Variants in RXRG observed in about 807,000 individuals in gnomAD.
The protein encoded by RXRG is retinoic acid receptor RXR-gamma.
In RXRG, 19 loss-of-function variants were observed where a neutral mutation model predicts 49.2. That is an observed-to-expected ratio of 0.39 (90% CI 0.27 to 0.57). The LOEUF is 0.57. RXRG is among the 20% of genes least tolerant of loss of function. The pLI is 0.64. For missense variants in RXRG, 452 were observed against 592.5 expected, an observed-to-expected ratio of 0.76 and a Z score of 2.46; for synonymous variants, 224 against 216.6, an observed-to-expected ratio of 1.03 and a Z score of -0.30.
At chr1:165,436,858 T>G in intron 1 of RXRG, 8 of 1,017,528 alleles carry the variant, frequency 7.9e-6, no homozygotes, top group Non-Finnish European at 9.6e-6. Context: ...CAGCAAGAGT[T>G]TCAAGGTTAA....
Position 165,409,655 on chromosome 1 carries a change from G to T in RXRG, c.949C>A (p.Arg317Ser). The change falls in exon 7 of 10, where the codon CGC (arginine) becomes AGC (serine). Residue 317 changes from arginine to serine, a missense_variant. Physicochemically the swap from Arg to Ser is moderately radical, Grantham distance 110. This residue lies in a region of RXRG where 286 missense variants were observed against 440.9 expected (regional missense o/e 0.65). Coordinates refer to ENST00000359842, the MANE Select transcript of RXRG (RefSeq NM_006917.5). ...ATGCCATCCTGCACGGAAACTGAGC[G>T]GTGGGAGAAAGAGGCAATCAGCAAT... ...NELLIASFSH[R>S]SVSVQDGILL... The T allele has an allele frequency of 6.4e-7, 1 of 1,556,314 alleles. No homozygotes were observed. The highest frequency in any genetic ancestry group is 8.7e-7 in the Non-Finnish European group (1 of 1,151,646).
intron 4 of RXRG, among the ~76,000 whole-genome samples, chr1:165,412,652 G>A (rs990763239): frequency 6.6e-6 from 1 of 152,148 alleles, no homozygotes; most frequent in African/African-American, 2.4e-5. Flanking sequence ...GATGAATGAA[G>A]CAATTATAAA....
At chr1:165,413,884 A>G (rs565582970) in intron 4 of RXRG, among the ~76,000 whole-genome samples, 1 of 152,290 alleles carries the variant, frequency 6.6e-6, no homozygotes, top group Admixed American at 6.5e-5. Context: ...TATTTATCCT[A>G]AAAGGGCAAC....
At chr1:165,444,404 C>A (rs901276556) in intron 1 of RXRG, among the ~76,000 whole-genome samples, 2 of 152,188 alleles carry the variant, frequency 1.3e-5, no homozygotes, top group Non-Finnish European at 2.9e-5. Flanking sequence ...TACAAAGTAT[C>A]CCAGGAACCC....
chr1:165,417,335 G>A, intron 3 of RXRG, 115 bp from the exon 4 acceptor site: 3 of 900,018 alleles, frequency 3.3e-6, no homozygotes, highest in Non-Finnish European at 5.0e-6. Context: ...TTGGGCATTG[G>A]GACAGAAAGC....
rs1004112377 is a variant in RXRG, at chr1:165,401,192, A to C, written c.*71T>G. 31 of 1,458,744 alleles carry C rather than the reference A, an allele frequency of 2.1e-5. No individual in the cohort carries two copies. Among genetic ancestry groups the C allele is most frequent in the Non-Finnish European group, 2.9e-5 (31 of 1,061,184 alleles). 90.4% of individuals were successfully genotyped at this position (1,458,744 alleles called of 1,614,324 possible). A position where few individuals can be genotyped will look rare whatever the true frequency, so the allele number is the denominator to read the frequency against. Reference sequence around the variant, plus strand: ...GGGGTCAGGGTGGGAGGTGGAGGAAAGTGCAGGGTGGGGGTCCACACACAC... The same window carrying C: ...GGGGTCAGGGTGGGAGGTGGAGGAACGTGCAGGGTGGGGGTCCACACACAC... On this transcript the variant is annotated 3_prime_UTR_variant, in exon 10 of 10. Coordinates refer to ENST00000359842, the MANE Select transcript of RXRG (RefSeq NM_006917.5).
At chr1:165,403,804 C>T (rs1294941968) in intron 9 of RXRG, among the ~76,000 whole-genome samples, 8 of 152,180 alleles carry the variant, frequency 5.3e-5, no homozygotes, top group African/African-American at 9.7e-5. Context: ...ATCTAAAATT[C>T]GAAGTATGCC....
chr1:165,428,925 C>T lies in RXRG; in HGVS notation c.91G>A (p.Ala31Thr), dbSNP rs371155454. The change falls in exon 2 of 10, where the codon GCA (alanine) becomes ACA (threonine). Residue 31 changes from alanine (A) to threonine (T), a missense_variant. Coordinates refer to ENST00000359842, the MANE Select transcript of RXRG (RefSeq NM_006917.5). ...ATTGGCTTCCCTGTGGACAAGGCTGCTGATGGGCTCATGGATGTAGAGCCA... is the reference window on the plus strand; with the variant it reads ...ATTGGCTTCCCTGTGGACAAGGCTGTTGATGGGCTCATGGATGTAGAGCCA... ...HTGSTSMSPSAALSTGKPMDS... is the reference protein window; with the variant it reads ...HTGSTSMSPSTALSTGKPMDS... The T allele has an allele frequency of 3.7e-6, 6 of 1,613,550 alleles. No individual in the cohort carries two copies. The highest frequency in any genetic ancestry group is 5.1e-6 in the Non-Finnish European group (6 of 1,179,932).
intron 6 of RXRG, 52 bp downstream of exon 6, chr1:165,410,650 C>T: frequency 6.2e-7 from 1 of 1,607,036 alleles, no homozygotes; most frequent in Non-Finnish European, 8.5e-7. Context: ...TTTAGGATCC[C>T]AAGAGCAATT....
intron 1 of RXRG, among the ~76,000 whole-genome samples, chr1:165,429,457 A>T (rs1486131453): frequency 1.3e-5 from 2 of 152,182 alleles, no homozygotes; most frequent in Admixed American, 1.3e-4. Context: ...AACATTTATT[A>T]GGGTGCCAGG....
chr1:165,417,142 G>A lies in RXRG; in HGVS notation c.521C>T (p.Thr174Met), dbSNP rs921567880. Reference protein sequence around the residue: ...KRTIRKDLIYTCRDNKDCLID... With the variant: ...KRTIRKDLIYMCRDNKDCLID... ...GAGGCAGTCTTTATTATCCCGACAC[G>A]TGTAGATGAGGTCCTTCCTTATCGT... The change falls in exon 4 of 10, where the codon ACG (threonine) becomes ATG (methionine). Residue 174 changes from threonine (T) to methionine (M), a missense_variant. Physicochemically the swap from Thr to Met is moderately conservative, Grantham distance 81. Around this residue, in one of 2 missense-constraint regions of RXRG, gnomAD observed 286 missense variants for 440.9 expected, o/e 0.65. Coordinates refer to ENST00000359842, the MANE Select transcript of RXRG (RefSeq NM_006917.5). 1 of 1,614,186 alleles carries A rather than the reference G, an allele frequency of 6.2e-7. No individual in the cohort carries two copies. The highest frequency in any genetic ancestry group is 8.5e-7 in the Non-Finnish European group (1 of 1,179,994).
intron 6 of RXRG, among the ~76,000 whole-genome samples, chr1:165,410,039 T>C (rs761469756): frequency 2.0e-5 from 3 of 152,180 alleles, no homozygotes; most frequent in Non-Finnish European, 4.4e-5. Context: ...AAAGCTAATA[T>C]ACCTTGCAGT....
At chr1:165,438,910 A>G (rs776131565) in intron 1 of RXRG, among the ~76,000 whole-genome samples, 1 of 152,210 alleles carries the variant, frequency 6.6e-6, no homozygotes, top group Non-Finnish European at 1.5e-5. Flanking sequence ...AGCCTATTTA[A>G]GATACATATG....
At chr1:165,426,982 C>T (rs1658505967) in intron 2 of RXRG, among the ~76,000 whole-genome samples, 1 of 152,192 alleles carries the variant, frequency 6.6e-6, no homozygotes, top group Non-Finnish European at 1.5e-5. Context: ...TTCTCTTACT[C>T]AGAGGAGGGT....
At chr1:165,436,931 G>C in intron 1 of RXRG, 1 of 1,124,944 alleles carries the variant, frequency 8.9e-7, no homozygotes, top group South Asian at 2.1e-5. Flanking sequence ...AAGTGGAAAA[G>C]CCTGTTATCA....
rs148372019 is a variant in RXRG at position 165,423,781 on chromosome 1, A to G, written c.298-3767T>C. ...CCAGATCTGCTTTTATCTTATGTGTATATCAGGCTTCCAACTATGCTTTCA... is the reference window on the plus strand; with the variant it reads ...CCAGATCTGCTTTTATCTTATGTGTGTATCAGGCTTCCAACTATGCTTTCA... On this transcript the variant is annotated intron_variant, in intron 2 of 9. Transcript: ENST00000359842. 3.0e-3 allele frequency among the ~76,000 whole-genome samples: 452 copies of G among 152,264 alleles called. 1 individual carries two copies. Among genetic ancestry groups the G allele is most frequent in the African/African-American group, 0.011 (442 of 41,542 alleles).
intron 1 of RXRG, among the ~76,000 whole-genome samples, chr1:165,441,539 A>C (rs1359358899): frequency 6.6e-6 from 1 of 152,226 alleles, no homozygotes; most frequent in East Asian, 1.9e-4. Context: ...TGTCTCTAAA[A>C]GGAGTACGAG....
intron 2 of RXRG, among the ~76,000 whole-genome samples, chr1:165,426,472 G>C (rs765984966): frequency 1.3e-5 from 2 of 152,096 alleles, no homozygotes; most frequent in African/African-American, 4.8e-5. Flanking sequence ...CTCTAAGGCC[G>C]TCTCCAAATT....
Position 165,435,286 on chromosome 1 carries a change from C to T in RXRG, c.50-6320G>A, listed in dbSNP as rs532121912. 4.6e-5 allele frequency among the ~76,000 whole-genome samples: 7 copies of T among 152,314 alleles called. No individual in the cohort carries two copies. The East Asian group carries it at 7.7e-4, about 17-fold the overall frequency. Reference sequence around the variant, plus strand: ...TTTATTAGGCAACTTCTATGTGCCACGCACCCTTCCAAGGGCATGGCATGC... The same window carrying T: ...TTTATTAGGCAACTTCTATGTGCCATGCACCCTTCCAAGGGCATGGCATGC... On this transcript the variant is annotated intron_variant, in intron 1 of 9. Transcript: ENST00000359842.
Sources: allele counts gnomAD v4.1 joint callset (sites outside exome capture counted in the v4.1 genomes callset), GRCh38; gene constraint gnomAD v4.1.1; regional missense constraint gnomAD v4.1.1; transcripts MANE v1.5; gene names NCBI Gene and HGNC (gene_info 2026-07-23, HGNC 2026-07-21).